The following SLC41A3 variants were observed in gnomAD, a reference collection of about 807,000 sequenced individuals.
SLC41A3 encodes SLC41A1-like 2.
In SLC41A3, 44 loss-of-function variants were observed where a neutral mutation model predicts 45.4. The observed-to-expected ratio is 0.97, with a 90% CI of 0.76 to 1.25. The LOEUF (loss-of-function observed/expected upper bound fraction) is 1.25, where lower values mean the gene tolerates loss of function less well. Ranked by LOEUF, SLC41A3 falls within the 50% of genes most tolerant of loss-of-function variation. SLC41A3 has a pLI of 0.00. For missense variants in SLC41A3, 550 were observed against 600.6 expected, an observed-to-expected ratio of 0.92 and a Z score of 0.88; for synonymous variants, 256 against 252.4, an observed-to-expected ratio of 1.01 and a Z score of -0.13.
intron 2 of SLC41A3, among the ~76,000 whole-genome samples, chr3:126,060,548 T>C (rs1944010167): frequency 2.0e-5 from 3 of 152,196 alleles, no homozygotes; most frequent in Admixed American, 2.0e-4. Flanking sequence ...AAGTAATCTT[T>C]ATAATTTTTT....
At chr3:126,057,902 C>G (rs545748617) in intron 2 of SLC41A3, 2 of 152,400 alleles carry the variant, frequency 1.3e-5, no homozygotes, top group Non-Finnish European at 2.9e-5. Context: ...ACCCCCTCTT[C>G]CCTCTGTCCC....
At chr3:126,059,038 T>C (rs1943849283) in intron 2 of SLC41A3, among the ~76,000 whole-genome samples, 1 of 151,452 alleles carries the variant, frequency 6.6e-6, no homozygotes, top group Non-Finnish European at 1.5e-5. Context: ...AAAATGCAGG[T>C]GTATCTGCTC....
At chr3:126,018,249 G>A (rs1428749570) in intron 6 of SLC41A3, among the ~76,000 whole-genome samples, 1 of 152,202 alleles carries the variant, frequency 6.6e-6, no homozygotes, top group African/African-American at 2.4e-5. Flanking sequence ...ATGTGGAAAT[G>A]AGCACACGGT....
chr3:126,009,208 T>C (rs144515983), intron 9 of SLC41A3, among the ~76,000 whole-genome samples: 133 of 152,314 alleles, frequency 8.7e-4, no homozygotes, highest in Admixed American at 2.7e-3. Flanking sequence ...TCAGTGGGGA[T>C]GAGCTCCTGC....
chr3:126,059,712 C>T (rs768045538), intron 2 of SLC41A3, among the ~76,000 whole-genome samples: 3 of 152,112 alleles, frequency 2.0e-5, no homozygotes, highest in African/African-American at 7.2e-5. Flanking sequence ...GAGATTGAAC[C>T]GGCAGGAGGC....
chr3:126,010,386 C>T (rs564000515), intron 9 of SLC41A3, among the ~76,000 whole-genome samples: 12 of 152,190 alleles, frequency 7.9e-5, no homozygotes, highest in African/African-American at 2.4e-4. Flanking sequence ...GCAGGAGAAT[C>T]GCTTGAACCA....
chr3:126,062,236 C>G (rs558526927), intron 2 of SLC41A3, among the ~76,000 whole-genome samples: 1 of 152,234 alleles, frequency 6.6e-6, no homozygotes. Context: ...CCTGTCCATT[C>G]AGACCCCCAC....
At chr3:126,070,882 T>C (rs1349287945) in intron 1 of SLC41A3, among the ~76,000 whole-genome samples, 1 of 152,076 alleles carries the variant, frequency 6.6e-6, no homozygotes, top group Admixed American at 6.6e-5. Flanking sequence ...CTCTTTTTAC[T>C]CTTATCCAAT....
At chr3:126,023,061 A>C in intron 5 of SLC41A3, 129 bp from the exon 6 acceptor site, 1 of 1,266,694 alleles carries the variant, frequency 7.9e-7, no homozygotes, top group African/African-American at 1.5e-5. Flanking sequence ...GCTGCTCATT[A>C]ACTTGCCTCC....
intron 2 of SLC41A3, chr3:126,056,680 C>G: frequency 6.9e-7 from 1 of 1,453,328 alleles, no homozygotes; most frequent in Non-Finnish European, 9.0e-7. Flanking sequence ...TCCCAGTCAC[C>G]AGGTGCCCTG....
At chr3:126,065,622 G>A (rs1283344965) in intron 2 of SLC41A3, among the ~76,000 whole-genome samples, 1 of 152,198 alleles carries the variant, frequency 6.6e-6, no homozygotes, top group Non-Finnish European at 1.5e-5. Context: ...ACGCACATGG[G>A]CAGATGGGCA....
At chr3:126,101,347 G>A (rs1945705685) in intron 1 of SLC41A3, 1 of 152,282 alleles carries the variant, frequency 6.6e-6, no homozygotes, top group South Asian at 2.1e-4. Context: ...GTGTGCCCAG[G>A]TAAAATGCAG....
intron 2 of SLC41A3, chr3:126,057,277 T>A: frequency 1.9e-6 from 1 of 524,468 alleles, no homozygotes; most frequent in Non-Finnish European, 2.4e-6. Flanking sequence ...CTCCATGGCC[T>A]GGAAGACTCA....
intron 1 of SLC41A3, among the ~76,000 whole-genome samples, chr3:126,076,295 T>A (rs969054657): frequency 6.6e-6 from 1 of 152,340 alleles, no homozygotes; most frequent in Middle Eastern, 3.4e-3. Context: ...CCACCTAACA[T>A]AATGTTGTCA....
chr3:126,078,513 G>A (rs1018913430), intron 1 of SLC41A3, among the ~76,000 whole-genome samples: 3 of 152,204 alleles, frequency 2.0e-5, no homozygotes, highest in South Asian at 4.2e-4. Flanking sequence ...ACCATGAGGA[G>A]GAAGGATGCT....
Position 126,022,796 on chromosome 3 carries a change from GT to G in SLC41A3, c.734del (p.Tyr245SerfsTer9), listed in dbSNP as rs1349246011. On this transcript the variant is annotated frameshift_variant, in exon 6 of 11. Transcript: ENST00000360370. LOFTEE classifies it high-confidence loss of function. ...SILALVSSFF[Y>X]RHKDSRYLTP... ...GAAGACACTCTTTACCTTTGTGTCTGTAGAAGAAGCTGCTAACCAAAGCCAG... is the reference window on the plus strand; with the variant it reads ...GAAGACACTCTTTACCTTTGTGTCTGAGAAGAAGCTGCTAACCAAAGCCAG... The G allele has an allele frequency of 6.2e-7, 1 of 1,614,094 alleles. No homozygotes were observed. Among genetic ancestry groups the G allele is most frequent in the Non-Finnish European group, 8.5e-7 (1 of 1,180,048 alleles).
At chr3:126,016,386 G>C (rs921281536) in intron 7 of SLC41A3, among the ~76,000 whole-genome samples, 3 of 152,232 alleles carry the variant, frequency 2.0e-5, no homozygotes, top group African/African-American at 4.8e-5. Context: ...GCAGGGATCT[G>C]GGCCAGCAAA....
intron 1 of SLC41A3, among the ~76,000 whole-genome samples, chr3:126,080,402 T>C (rs1417240091): frequency 6.6e-6 from 1 of 151,986 alleles, no homozygotes; most frequent in Non-Finnish European, 1.5e-5. Flanking sequence ...CCAAAAGATC[T>C]GAATAGATAT....
intron 2 of SLC41A3, chr3:126,067,415 C>A (rs1011827787): frequency 4.8e-6 from 1 of 206,742 alleles, no homozygotes; most frequent in Non-Finnish European, 1.0e-5. Flanking sequence ...TTAGGGTGGG[C>A]CCTAACCCAA....
Sources: allele counts gnomAD v4.1 joint callset (sites outside exome capture counted in the v4.1 genomes callset), GRCh38; gene constraint gnomAD v4.1.1; transcripts MANE v1.5; gene names NCBI Gene and HGNC (gene_info 2026-07-23, HGNC 2026-07-21).